Variants in IQSEC2 observed in about 807,000 individuals in gnomAD.
IQSEC2 encodes IQ motif and SEC7 domain-containing protein 2.
In IQSEC2, 6 loss-of-function variants were observed where a neutral mutation model predicts 74.6. The ratio of observed to expected loss-of-function variants is 0.08; its 90% confidence interval spans 0.04 to 0.16. IQSEC2 has a LOEUF of 0.16. Among genes scored for constraint, IQSEC2 ranks in the 10% least tolerant of loss-of-function variants. The probability of loss-of-function intolerance (pLI) is 1.00; values close to 1 mark genes in which losing one functional copy is unlikely to be tolerated. For synonymous variants in IQSEC2, 494 were observed against 544.5 expected, an observed-to-expected ratio of 0.91 and a Z score of 1.29; for missense variants, 734 against 1,306.2, an observed-to-expected ratio of 0.56 and a Z score of 6.75.
chrX:53,310,065 CAG>C (rs2075307069), intron 1 of IQSEC2, among the ~76,000 whole-genome samples: 1 of 111,567 alleles, frequency 9.0e-6, no homozygotes, highest in African/African-American at 3.3e-5. Context: ...CCTACAGTAT[CAG>C]GGAATGCCAT....
In IQSEC2 at chrX:53,234,790, G is replaced by T. The variant is rs2074100029; in HGVS notation, c.3896C>A (p.Pro1299His). ...SLPPPPQQPP[P>H]LPQLGSIPPP... ...TGGAATGGAGCCCAGCTGGGGCAAG[G>T]GTGGGGGCTGCTGGGGAGGTGGGGG... Residue 1299 changes from proline to histidine, a missense_variant, in exon 15 of 15, where the codon CCC (proline) becomes CAC (histidine). Coordinates refer to ENST00000642864, the MANE Select transcript of IQSEC2 (RefSeq NM_001111125.3). 1 of 1,118,774 alleles carries T rather than the reference G, an allele frequency of 8.9e-7. No individual in the cohort carries two copies. Among genetic ancestry groups the T allele is most frequent in the Non-Finnish European group, 1.2e-6 (1 of 847,034 alleles). The allele number at this position is 1,118,774 out of a possible 1,213,427, so 92.2% of individuals were successfully genotyped here. A position where few individuals can be genotyped will look rare whatever the true frequency, so the allele number is the denominator to read the frequency against.
intron 1 of IQSEC2, among the ~76,000 whole-genome samples, chrX:53,305,076 A>G (rs376235691): frequency 8.3e-4 from 91 of 109,557 alleles, no homozygotes; most frequent in African/African-American, 2.8e-3. Flanking sequence ...GCACCACCAC[A>G]TCCAGCTAAT....
Position 53,320,721 on chromosome X carries a change from G to A in IQSEC2, c.403C>T (p.Arg135Trp). 8.6e-7 allele frequency: 1 copy of A among 1,167,437 alleles called. No homozygotes were observed. Among genetic ancestry groups the A allele is most frequent in the East Asian group, 3.3e-5 (1 of 30,748 alleles). Residue 135 changes from arginine to tryptophan, a missense_variant, in exon 1 of 15, where the codon CGG becomes TGG. Physicochemically the swap from Arg to Trp is moderately radical, Grantham distance 101. Coordinates refer to ENST00000642864, the MANE Select transcript of IQSEC2 (RefSeq NM_001111125.3). ...NREAVYRDKE[R>W]DASYPLQDTT... ...TCCTGGAGCGGGTAGGAGGCGTCCC[G>A]CTCCTTGTCCCGATACACAGCCTCC... is the stretch of plus-strand genomic sequence containing the variant.
chrX:53,304,986 T>G (rs1556876282), intron 1 of IQSEC2, among the ~76,000 whole-genome samples: 1 of 107,158 alleles, frequency 9.3e-6, no homozygotes, highest in African/African-American at 3.4e-5. Flanking sequence ...TGGTGCAATC[T>G]CGGCTCACTG....
At chrX:53,242,472 A>G (rs1393375235) in intron 9 of IQSEC2, among the ~76,000 whole-genome samples, 1 of 109,275 alleles carries the variant, frequency 9.2e-6, no homozygotes, top group African/African-American at 3.3e-5. Context: ...TCAATCCCAA[A>G]ATGATCTCTT....
chrX:53,314,965 C>T (rs1174105332), intron 1 of IQSEC2, among the ~76,000 whole-genome samples: 3 of 111,852 alleles, frequency 2.7e-5, no homozygotes, highest in African/African-American at 9.8e-5. Context: ...GCTCTGATGT[C>T]TTTAAAGCCC....
intron 1 of IQSEC2, among the ~76,000 whole-genome samples, chrX:53,301,694 G>A (rs2075212358): frequency 8.9e-6 from 1 of 111,869 alleles, no homozygotes; most frequent in Admixed American, 9.5e-5. Flanking sequence ...TGGGAGGGAA[G>A]AGAAGTGTGG....
At chrX:53,235,959 T>C (rs2147011181) in intron 13 of IQSEC2, 127 bp from the exon 14 acceptor site, 3 of 616,041 alleles carry the variant, frequency 4.9e-6, no homozygotes, top group Admixed American at 3.6e-5. Flanking sequence ...CTTTCCCCCA[T>C]TGAAGAGGGG....
chrX:53,235,195 G>A lies in IQSEC2; in HGVS notation c.3502-11C>T. The A allele has an allele frequency of 8.6e-7, 1 of 1,165,106 alleles. No individual in the cohort carries two copies. The highest frequency in any genetic ancestry group is 1.1e-6 in the Non-Finnish European group (1 of 872,191). On this transcript the variant is annotated splice_polypyrimidine_tract_variant and intron_variant, in intron 14 of 14. Transcript: ENST00000642864. ...GCTAATAACAGACCCCTGGAAGCGG[G>A]GAGGGGGGAAGTCAGGCCAGGCTAG...
At chrX:53,286,737 C>T (rs1602343850) in intron 2 of IQSEC2, among the ~76,000 whole-genome samples, 1 of 110,378 alleles carries the variant, frequency 9.1e-6, no homozygotes, top group African/African-American at 3.3e-5. Flanking sequence ...GTCAAGAGAT[C>T]GAGACCATCC....
Position 53,236,444 on chromosome X carries a change from C to T in IQSEC2, c.3329G>A (p.Gly1110Glu). Residue 1110 changes from glycine to glutamate, a missense_variant, in exon 13 of 15, where the codon GGA becomes GAA. This residue lies in a region of IQSEC2 where 249 missense variants were observed against 467.9 expected (regional missense o/e 0.53). Transcript: ENST00000642864. ...GMMRPNASQP[G>E]GAKDSVNGTM... ...CCCATTCACTGAGTCCTTGGCCCCTCCAGGCTGTGAGGCGTTAGGCCGCAT... is the reference window on the plus strand; with the variant it reads ...CCCATTCACTGAGTCCTTGGCCCCTTCAGGCTGTGAGGCGTTAGGCCGCAT... 2 of 1,203,916 alleles carry T rather than the reference C, an allele frequency of 1.7e-6. No individual in the cohort carries two copies. Among genetic ancestry groups the T allele is most frequent in the Non-Finnish European group, 2.2e-6 (2 of 891,278 alleles).
Position 53,241,714 on chromosome X carries a change from A to G in IQSEC2, c.3015+70T>C. Reference sequence around the variant, plus strand: ...CCACACACCACACACCTACATCAATATGGTTCACACCAGACTTAGGTGTCA... The same window carrying G: ...CCACACACCACACACCTACATCAATGTGGTTCACACCAGACTTAGGTGTCA... On this transcript the variant is annotated intron_variant, in intron 10 of 14. Transcript: ENST00000642864. The G allele has an allele frequency of 2.5e-6, 3 of 1,178,075 alleles. No homozygotes were observed. In the Admixed American group the frequency reaches 6.6e-5, roughly 26 times the overall value.
chrX:53,229,900 C>A (rs1240285202), downstream of IQSEC2: 1 of 111,802 alleles, frequency 8.9e-6, no homozygotes, highest in African/African-American at 3.3e-5. Flanking sequence ...TACTAGATAG[C>A]CCAATTTGTT....
At chrX:53,298,194 C>T (rs2075174966) in intron 1 of IQSEC2, among the ~76,000 whole-genome samples, 1 of 111,137 alleles carries the variant, frequency 9.0e-6, no homozygotes, top group African/African-American at 3.3e-5. Flanking sequence ...CTCTCCTTTG[C>T]GTTGAACTTC....
intron 2 of IQSEC2, among the ~76,000 whole-genome samples, chrX:53,263,111 T>C (rs1208678119): frequency 2.7e-5 from 3 of 111,893 alleles, no homozygotes; most frequent in Non-Finnish European, 5.6e-5. Flanking sequence ...ATTCTTCATC[T>C]CCCCGTGCCT....
At chrX:53,278,952 C>T (rs781895072) in intron 2 of IQSEC2, among the ~76,000 whole-genome samples, 18 of 112,024 alleles carry the variant, frequency 1.6e-4, no homozygotes, top group East Asian at 5.6e-4. Flanking sequence ...CCAAGGCGGG[C>T]GGATCACGAG....
chrX:53,291,849 G>A (rs1556873101), intron 2 of IQSEC2, 46 bp downstream of exon 2: 1 of 1,121,792 alleles, frequency 8.9e-7, no homozygotes, highest in Admixed American at 2.6e-5. Flanking sequence ...CCCACCCCAG[G>A]CCCTGCCCCA....
chrX:53,250,535 A>G lies in IQSEC2; in HGVS notation c.2041T>C (p.Leu681=), dbSNP rs1556863072. The G allele has an allele frequency of 5.0e-6, 6 of 1,210,562 alleles. No individual in the cohort carries two copies. Among genetic ancestry groups the G allele is most frequent in the Non-Finnish European group, 6.7e-6 (6 of 895,237 alleles). ...GPSGVAGGRR[L]GKCEAAGENS... is the part of the protein sequence containing the mutation. ...TCGCCTGCTGCCTCGCACTTCCCCA[A>G]CCTCCGACCCCCAGCCACACCACTG... The change falls in exon 5 of 15, where the codon TTG becomes CTG. Residue 681 remains leucine, a synonymous_variant. Coordinates refer to ENST00000642864, the MANE Select transcript of IQSEC2 (RefSeq NM_001111125.3).
chrX:53,315,388 A>T (rs2075361410), intron 1 of IQSEC2, among the ~76,000 whole-genome samples: 3 of 111,812 alleles, frequency 2.7e-5, no homozygotes, highest in African/African-American at 9.8e-5. Context: ...TGAAACTCAT[A>T]AAACAAACAA....
Sources: gnomAD v4.1 joint callset for allele counts (sites outside exome capture counted in the v4.1 genomes callset) on GRCh38, gnomAD v4.1.1 for gene constraint, gnomAD v4.1.1 regional missense constraint, MANE v1.5 for transcripts, NCBI Gene and HGNC (gene_info 2026-07-23, HGNC 2026-07-21) for gene names.